Variants in IGSF21 observed in about 807,000 individuals in gnomAD.
IGSF21 encodes immunoglobulin superfamily member 21.
Under a neutral mutation model 46.8 loss-of-function variants are expected in IGSF21, and 28 were observed. That is an observed-to-expected ratio of 0.60 (90% CI 0.44 to 0.82). IGSF21 has a LOEUF of 0.82. Among genes scored for constraint, IGSF21 ranks in the 40% least tolerant of loss-of-function variants. The probability of loss-of-function intolerance (pLI) is 0.00; values close to 1 mark genes in which losing one functional copy is unlikely to be tolerated. For missense variants in IGSF21, 624 were observed against 665.5 expected (o/e 0.94, Z 0.69); for synonymous variants, 284 against 273.6 (o/e 1.04, Z -0.38).
At chr1:18,184,639 A>G (rs996310563) in intron 1 of IGSF21, among the ~76,000 whole-genome samples, 7 of 151,804 alleles carry the variant, frequency 4.6e-5, no homozygotes, top group Non-Finnish European at 1.0e-4. Flanking sequence ...GGTATCAGGA[A>G]CTCATACCAA....
intron 4 of IGSF21, among the ~76,000 whole-genome samples, chr1:18,345,346 T>C (rs545314602): frequency 1.1e-4 from 16 of 152,360 alleles, no homozygotes; most frequent in African/African-American, 3.8e-4. Flanking sequence ...TACCAGCTTC[T>C]GCAACTAATA....
At chr1:18,367,673 C>A (rs1348363199) in intron 6 of IGSF21, among the ~76,000 whole-genome samples, 2 of 130,428 alleles carry the variant, frequency 1.5e-5, no homozygotes, top group Non-Finnish European at 3.1e-5. Flanking sequence ...AGTGGGTGAT[C>A]TTGGCTCACT....
chr1:18,188,808 G>T (rs2086928182), intron 1 of IGSF21, among the ~76,000 whole-genome samples: 1 of 152,242 alleles, frequency 6.6e-6, no homozygotes, highest in East Asian at 1.9e-4. Context: ...AGGACTCATA[G>T]CCAGACGTGT....
chr1:18,210,480 T>A (rs181330257), intron 1 of IGSF21, among the ~76,000 whole-genome samples: 1 of 152,270 alleles, frequency 6.6e-6, no homozygotes, highest in East Asian at 1.9e-4. Flanking sequence ...TAGTGTGGGG[T>A]AACGTTTGGG....
chr1:18,330,205 A>C (rs1192855986), intron 3 of IGSF21, among the ~76,000 whole-genome samples: 1 of 152,136 alleles, frequency 6.6e-6, no homozygotes, highest in Non-Finnish European at 1.5e-5. Context: ...TAGAAAGAAA[A>C]CAGAAAAGAC....
intron 1 of IGSF21, among the ~76,000 whole-genome samples, chr1:18,226,454 C>T (rs550993641): frequency 6.6e-6 from 1 of 152,270 alleles, no homozygotes; most frequent in South Asian, 2.1e-4. Flanking sequence ...GGAAGTTGGA[C>T]CGGTTGGTTG....
chr1:18,305,465 T>C (rs2085412378), intron 3 of IGSF21, among the ~76,000 whole-genome samples: 1 of 143,266 alleles, frequency 7.0e-6, no homozygotes, highest in African/African-American at 2.7e-5. Context: ...CATGCATGGA[T>C]GACAGATGGA....
chr1:18,134,683 G>C (rs1336929788), intron 1 of IGSF21, among the ~76,000 whole-genome samples: 2 of 151,992 alleles, frequency 1.3e-5, no homozygotes, highest in Admixed American at 6.6e-5. Context: ...CCACCACAAA[G>C]ACCTGTCCAG....
At chr1:18,233,633 T>C (rs1035049036) in intron 2 of IGSF21, among the ~76,000 whole-genome samples, 2 of 152,222 alleles carry the variant, frequency 1.3e-5, no homozygotes, top group Admixed American at 1.3e-4. Flanking sequence ...GCTATTGTCA[T>C]TTCATGTCTG....
At chr1:18,123,327 C>G (rs1471609604) in intron 1 of IGSF21, among the ~76,000 whole-genome samples, 2 of 152,208 alleles carry the variant, frequency 1.3e-5, no homozygotes, top group Non-Finnish European at 2.9e-5. Flanking sequence ...GTGCCAGTGA[C>G]AAGGGATGCT....
intron 3 of IGSF21, among the ~76,000 whole-genome samples, chr1:18,332,757 G>T (rs2085727402): frequency 6.6e-6 from 1 of 152,164 alleles, no homozygotes; most frequent in Non-Finnish European, 1.5e-5. Flanking sequence ...ATGACAGTCG[G>T]TAGACCAGAT....
At chr1:18,179,707 G>A (rs1221422885) in intron 1 of IGSF21, among the ~76,000 whole-genome samples, 3 of 152,136 alleles carry the variant, frequency 2.0e-5, no homozygotes, top group Non-Finnish European at 4.4e-5. Flanking sequence ...TCGGCTTGGG[G>A]GTGAGGGTCT....
At chr1:18,372,676 G>GGAT (rs1202818916) in intron 6 of IGSF21, among the ~76,000 whole-genome samples, 1 of 151,776 alleles carries the variant, frequency 6.6e-6, no homozygotes, top group Non-Finnish European at 1.5e-5. Flanking sequence ...GTGGATGGAG[G>GGAT]GATGGATGGA....
chr1:18,222,798 G>A (rs2124501732), intron 1 of IGSF21, among the ~76,000 whole-genome samples: 1 of 152,230 alleles, frequency 6.6e-6, no homozygotes, highest in African/African-American at 2.4e-5. Flanking sequence ...CAGGGCTGGG[G>A]GAATATTAAT....
At chr1:18,157,556 C>T (rs923147491) in intron 1 of IGSF21, among the ~76,000 whole-genome samples, 2 of 152,212 alleles carry the variant, frequency 1.3e-5, no homozygotes, top group African/African-American at 2.4e-5. Context: ...TGGTCACCAT[C>T]GTCCTGTTCT....
At chr1:18,163,096 G>T (rs867853228) in intron 1 of IGSF21, among the ~76,000 whole-genome samples, 17 of 152,292 alleles carry the variant, frequency 1.1e-4, no homozygotes, top group Middle Eastern at 3.4e-3. Flanking sequence ...TTTCCATGGG[G>T]CTTGGGGGCA....
At chr1:18,356,446 T>C (rs1348609618) in intron 4 of IGSF21, among the ~76,000 whole-genome samples, 1 of 152,202 alleles carries the variant, frequency 6.6e-6, no homozygotes, top group African/African-American at 2.4e-5. Context: ...GGGTCTTCGT[T>C]GATGATTCTT....
chr1:18,242,111 A>G (rs1403809995), intron 2 of IGSF21, among the ~76,000 whole-genome samples: 1 of 152,208 alleles, frequency 6.6e-6, no homozygotes, highest in Non-Finnish European at 1.5e-5. Flanking sequence ...AGATCCACAC[A>G]GAGGCTGTCA....
intron 1 of IGSF21, among the ~76,000 whole-genome samples, chr1:18,136,197 A>T (rs188653889): frequency 2.7e-3 from 408 of 152,202 alleles, no homozygotes; most frequent in African/African-American, 9.5e-3. Flanking sequence ...ATTTTCTCCC[A>T]TTCTGTAGAT....
Sources: gnomAD v4.1 joint callset for allele counts (sites outside exome capture counted in the v4.1 genomes callset) on GRCh38, gnomAD v4.1.1 for gene constraint, MANE v1.5 for transcripts, NCBI Gene and HGNC (gene_info 2026-07-23, HGNC 2026-07-21) for gene names.